The following PCCA variants were observed in gnomAD, a reference collection of about 807,000 sequenced individuals.
PCCA encodes propionyl-CoA carboxylase alpha chain, mitochondrial.
PCCA carries 74 observed loss-of-function variants against 101.3 expected under a neutral mutation model. The ratio of observed to expected loss-of-function variants is 0.73; its 90% CI spans 0.61 to 0.89. The LOEUF (loss-of-function observed/expected upper bound fraction) is 0.89. PCCA is among the 40% of genes least tolerant of loss of function. The pLI is 0.00. For synonymous variants in PCCA, 294 were observed against 313.6 expected (o/e 0.94, Z 0.66); for missense variants, 891 against 907.0 (o/e 0.98, Z 0.23).
At chr13:100,477,013 T>C (rs1361312877) in intron 21 of PCCA, among the ~76,000 whole-genome samples, 1 of 152,256 alleles carries the variant, frequency 6.6e-6, no homozygotes, top group Non-Finnish European at 1.5e-5. Context: ...TCAAATGTTA[T>C]AGTTACTACT....
chr13:100,178,267 G>C (rs1235447898), intron 6 of PCCA, among the ~76,000 whole-genome samples: 1 of 152,180 alleles, frequency 6.6e-6, no homozygotes, highest in Non-Finnish European at 1.5e-5. Context: ...AATAGTTTTA[G>C]ATACATTTGG....
intron 21 of PCCA, among the ~76,000 whole-genome samples, chr13:100,500,767 G>A (rs2085607501): frequency 6.6e-6 from 1 of 152,164 alleles, no homozygotes; most frequent in Non-Finnish European, 1.5e-5. Flanking sequence ...AATTAATGGG[G>A]TAGTAACTGT....
intron 11 of PCCA, among the ~76,000 whole-genome samples, chr13:100,270,154 A>G (rs1300257307): frequency 2.0e-5 from 3 of 152,232 alleles, no homozygotes; most frequent in East Asian, 1.9e-4. Context: ...GAAGGGAGGA[A>G]GAAGAAAAGC....
chr13:100,321,006 AAAGGGCTGGGAT>A (rs1215526010), intron 16 of PCCA, among the ~76,000 whole-genome samples: 1 of 151,596 alleles, frequency 6.6e-6, no homozygotes, highest in Non-Finnish European at 1.5e-5. Context: ...TCAGCCTCCC[AAAGGGCTGGGAT>A]TACAGGTGTG....
At chr13:100,198,468 G>GTTCATTCATTCA (rs34318074) in intron 6 of PCCA, 76 of 149,374 alleles carry the variant, frequency 5.1e-4, no homozygotes, top group African/African-American at 1.8e-3. Flanking sequence ...CAGTTGCCAC[G>GTTCATTCATTCA]TTCATTCATT....
chr13:100,356,520 A>T, intron 18 of PCCA, among the ~76,000 whole-genome samples: 1 of 152,148 alleles, frequency 6.6e-6, no homozygotes, highest in African/African-American at 2.4e-5. Context: ...TCATTAGTTG[A>T]TAGGAAAATG....
At chr13:100,453,887 CAG>C (rs1428429890) in intron 21 of PCCA, among the ~76,000 whole-genome samples, 1 of 152,162 alleles carries the variant, frequency 6.6e-6, no homozygotes, top group Non-Finnish European at 1.5e-5. Context: ...TTTTTGGAGA[CAG>C]AGTCTCACTC....
chr13:100,164,913 A>G (rs1317359905), intron 6 of PCCA, among the ~76,000 whole-genome samples: 2 of 152,196 alleles, frequency 1.3e-5, no homozygotes, highest in Non-Finnish European at 2.9e-5. Context: ...TACCTATTCT[A>G]GGTACCTCAC....
At chr13:100,104,371 C>G (rs557328226) in intron 2 of PCCA, 1 of 152,250 alleles carries the variant, frequency 6.6e-6, no homozygotes, top group South Asian at 2.1e-4. Flanking sequence ...TCATCTCGAC[C>G]TGTAATCCCC....
chr13:100,120,109 C>T (rs1388063443), intron 4 of PCCA, among the ~76,000 whole-genome samples: 5 of 151,720 alleles, frequency 3.3e-5, no homozygotes, highest in African/African-American at 7.3e-5. Context: ...GTGATCCACC[C>T]GCCTCAGCCT....
Position 100,209,412 on chromosome 13 carries a change from A to G in PCCA, c.549A>G (p.Leu183=). The G allele has an allele frequency of 6.2e-7, 1 of 1,613,306 alleles. No homozygotes were observed. Among genetic ancestry groups the G allele is most frequent in the Non-Finnish European group, 8.5e-7 (1 of 1,179,272 alleles). ...AMGDKIESKL[L]AKKAEVNTIP... is the part of the protein sequence containing the mutation. The stretch of plus-strand genomic sequence containing the variant: ...GCGACAAGATTGAAAGCAAATTATT[A>G]GCTAAGAAAGCAGAGGTTAATACAA... The change falls in exon 7 of 24, where the codon TTA becomes TTG. Residue 183 remains leucine, a synonymous_variant. Transcript: ENST00000376285.
chr13:100,272,624 T>C (rs937205048), intron 11 of PCCA, among the ~76,000 whole-genome samples: 6 of 152,130 alleles, frequency 3.9e-5, no homozygotes, highest in African/African-American at 1.4e-4. Flanking sequence ...AAAAGGATGC[T>C]TGTTATAGTA....
intron 10 of PCCA, among the ~76,000 whole-genome samples, chr13:100,263,577 C>G (rs2152565679): frequency 6.6e-6 from 1 of 152,206 alleles, no homozygotes; most frequent in African/African-American, 2.4e-5. Flanking sequence ...TGGTCACTTT[C>G]ATAGATATTA....
chr13:100,114,840 A>G lies in PCCA; in HGVS notation c.300+2779A>G, dbSNP rs190936995. Among the ~76,000 whole-genome samples, 94 of 152,334 alleles carry G rather than the reference A, an allele frequency of 6.2e-4. 1 individual carries two copies. Among genetic ancestry groups the G allele is most frequent in the Non-Finnish European group, 9.8e-4 (67 of 68,036 alleles). On this transcript the variant is annotated intron_variant, in intron 4 of 23. Coordinates refer to ENST00000376285, the MANE Select transcript of PCCA (RefSeq NM_000282.4). ...GCTGTTGGTGGGAATGTAAATTAAT[A>G]CAACCACTATAAAGAACAGTATGGA...
intron 7 of PCCA, among the ~76,000 whole-genome samples, chr13:100,217,000 T>C (rs2059557574): frequency 6.6e-6 from 1 of 151,986 alleles, no homozygotes; most frequent in Non-Finnish European, 1.5e-5. Flanking sequence ...TCCCAGCTAC[T>C]CGGGAGGCTG....
At chr13:100,427,617 A>G (rs1393077932) in intron 20 of PCCA, among the ~76,000 whole-genome samples, 1 of 152,150 alleles carries the variant, frequency 6.6e-6, no homozygotes, top group African/African-American at 2.4e-5. Context: ...GACCCCTTAA[A>G]GAGAGATCCC....
Position 100,116,758 on chromosome 13 carries a change from C to CT in PCCA, c.300+4704dup, listed in dbSNP as rs1321547365. ...TTAGGGTAGATAAGGAGTTGGCAACCTTTTTTTGTTTGAAAGTAAATACAT... is the reference window on the plus strand; with the variant it reads ...TTAGGGTAGATAAGGAGTTGGCAACCTTTTTTTTGTTTGAAAGTAAATACAT... On this transcript the variant is annotated intron_variant, in intron 4 of 23. Coordinates refer to ENST00000376285, the MANE Select transcript of PCCA (RefSeq NM_000282.4). 1.6e-4 allele frequency among the ~76,000 whole-genome samples: 24 copies of CT among 152,064 alleles called. No individual in the cohort carries two copies. In the South Asian group the frequency reaches 2.5e-3, roughly 16 times the overall value.
At chr13:100,309,939 T>G in intron 16 of PCCA, 31 bp downstream of exon 16, 8 of 1,476,904 alleles carry the variant, frequency 5.4e-6, no homozygotes, top group African/African-American at 1.4e-5. Context: ...TCGTTGGTTA[T>G]TGTATATGGT....
chr13:100,515,686 C>G, intron 22 of PCCA, 119 bp downstream of exon 22: 3 of 1,169,438 alleles, frequency 2.6e-6, no homozygotes, highest in East Asian at 2.3e-5. Context: ...CCGACGCCCC[C>G]TAAACAGCAA....
Sources: allele counts gnomAD v4.1 joint callset (sites outside exome capture counted in the v4.1 genomes callset), GRCh38; gene constraint gnomAD v4.1.1; transcripts MANE v1.5; gene names NCBI Gene and HGNC (gene_info 2026-07-23, HGNC 2026-07-21).